Variants in PRKCG observed in about 807,000 individuals in gnomAD.
The protein encoded by PRKCG is protein kinase C gamma.
PRKCG carries 28 observed loss-of-function variants against 82.0 expected under a neutral mutation model. The ratio of observed to expected loss-of-function variants is 0.34; its 90% confidence interval spans 0.25 to 0.47. The LOEUF (loss-of-function observed/expected upper bound fraction) is 0.47, where lower values mean the gene tolerates loss of function less well. Among genes scored for constraint, PRKCG ranks in the 20% least tolerant of loss-of-function variants. The pLI, the probability that PRKCG is intolerant of heterozygous loss-of-function variation, is 1.00. For synonymous variants in PRKCG, 383 were observed against 376.6 expected, an observed-to-expected ratio of 1.02 and a Z score of -0.20; for missense variants, 640 against 952.7, an observed-to-expected ratio of 0.67 and a Z score of 4.32.
chr19:53,895,132 G>GAACA (rs200201073), intron 9 of PRKCG, among the ~76,000 whole-genome samples: 9 of 152,158 alleles, frequency 5.9e-5, no homozygotes, highest in African/African-American at 2.2e-4. Context: ...AGCAGGGAAA[G>GAACA]AACAAACAAA....
chr19:53,890,489 C>A (rs1645226950), intron 5 of PRKCG, among the ~76,000 whole-genome samples: 1 of 151,822 alleles, frequency 6.6e-6, no homozygotes, highest in African/African-American at 2.4e-5. Context: ...AACTCCTGAC[C>A]CCAGGTGATC....
chr19:53,898,827 G>T (rs1599950245), intron 11 of PRKCG, among the ~76,000 whole-genome samples, 199 bp downstream of exon 11: 7 of 113,054 alleles, frequency 6.2e-5, no homozygotes, highest in African/African-American at 2.0e-4. Flanking sequence ...GGGACTCATC[G>T]GGGGGCGTGG....
chr19:53,903,265 T>C, intron 15 of PRKCG, 112 bp downstream of exon 15: 1 of 843,382 alleles, frequency 1.2e-6, no homozygotes, highest in Non-Finnish European at 2.1e-6. Context: ...CGAATAGCGC[T>C]GTCCATGGTT....
intron 9 of PRKCG, among the ~76,000 whole-genome samples, chr19:53,897,216 C>T (rs1477804273): frequency 2.6e-5 from 4 of 152,178 alleles, no homozygotes; most frequent in Admixed American, 2.6e-4. Flanking sequence ...ATAGGGGAGA[C>T]ATGACCTGGT....
rs770378909 is a variant in PRKCG at position 53,892,524 on chromosome 19, G to T, written c.702G>T (p.Gly234=). The T allele has an allele frequency of 5.6e-6, 9 of 1,612,522 alleles. No homozygotes were observed. In the South Asian group the frequency reaches 9.9e-5, roughly 18 times the overall value. Residue 234 remains glycine (G), a synonymous_variant, in exon 7 of 18, where the codon GGG becomes GGT. Transcript: ENST00000263431. The surrounding 1 kb of genome is among the most constrained non-coding windows in gnomAD (Gnocchi z 5.9). ...NETFVFNLKP[G]DVERRLSVEV... Reference sequence around the variant, plus strand: ...CTTCCTGCAGCAACCTGAAGCCAGGGGATGTGGAGCGCCGGCTCAGCGTGG... The same window carrying T: ...CTTCCTGCAGCAACCTGAAGCCAGGTGATGTGGAGCGCCGGCTCAGCGTGG...
chr19:53,900,381 A>G lies in PRKCG; in HGVS notation c.1374-38A>G. ...TGGTGGAAGGGGGCAGGATCCAGCC[A>G]CTGACCTTCTGACGTCCCCACCCAC... On this transcript the variant is annotated intron_variant, in intron 12 of 17. Transcript: ENST00000263431. This position sits in a 1 kb window ranked among gnomAD's most constrained non-coding sequence, Gnocchi z 4.2. The G allele has an allele frequency of 1.2e-6, 2 of 1,614,072 alleles. No homozygotes were observed. Among genetic ancestry groups the G allele is most frequent in the Non-Finnish European group, 1.7e-6 (2 of 1,179,958 alleles).
chr19:53,893,291 C>A, intron 8 of PRKCG, 71 bp from the exon 9 acceptor site: 1 of 1,525,420 alleles, frequency 6.6e-7, no homozygotes, highest in Middle Eastern at 1.8e-4. Context: ...GTACTAGGGG[C>A]CACCAGCCCC....
rs1421758670 is a variant in PRKCG, at chr19:53,882,386, C to G, written c.-109C>G. ...TGCCTTGCCCCTCTCCTGCCCACCT[C>G]GGAATTTCCCTGTGGCTCCTTTGAT... On this transcript the variant is annotated 5_prime_UTR_variant, in exon 1 of 18. Transcript: ENST00000263431. This position sits in a 1 kb window ranked among gnomAD's most constrained non-coding sequence, Gnocchi z 6.1. The G allele has an allele frequency of 6.6e-7, 1 of 1,506,446 alleles. No homozygotes were observed. Among genetic ancestry groups the G allele is most frequent in the Non-Finnish European group, 9.0e-7 (1 of 1,110,992 alleles). The allele number at this position is 1,506,446 out of a possible 1,614,324, so 93.3% of individuals were successfully genotyped here.
rs755031143 is a variant in PRKCG, at chr19:53,900,221, A to G, written c.1282-12A>G. 2.5e-6 allele frequency: 4 copies of G among 1,611,932 alleles called. No individual in the cohort carries two copies. The highest frequency in any genetic ancestry group is 3.3e-5 in the Admixed American group (2 of 59,992). On this transcript the variant is annotated splice_polypyrimidine_tract_variant and intron_variant, in intron 11 of 17. Transcript: ENST00000263431. The surrounding 1 kb of genome is among the most constrained non-coding windows in gnomAD (Gnocchi z 4.2). ...ATGGATCCCGCCTCTAAGCCCATGCACTTCTCCGCAGGACCGCCTGTATTT... is the reference window on the plus strand; with the variant it reads ...ATGGATCCCGCCTCTAAGCCCATGCGCTTCTCCGCAGGACCGCCTGTATTT...
chr19:53,884,350 G>A lies in PRKCG; in HGVS notation c.285+107G>A. On this transcript the variant is annotated intron_variant, in intron 3 of 17. Coordinates refer to ENST00000263431, the MANE Select transcript of PRKCG (RefSeq NM_002739.5). The surrounding 1 kb of genome is among the most constrained non-coding windows in gnomAD (Gnocchi z 4.6). ...CTATTTTTATGGCTGGGAGGGGAGG[G>A]GGGCTGGAGAGATAGGGGGAGCTAT... 9.0e-7 allele frequency: 1 copy of A among 1,116,966 alleles called. No homozygotes were observed. The highest frequency in any genetic ancestry group is 1.3e-6 in the Non-Finnish European group (1 of 741,298). 69.2% of individuals were successfully genotyped at this position (1,116,966 alleles called of 1,614,324 possible).
At chr19:53,898,239 C>T (rs2068731967) in intron 10 of PRKCG, 128 bp downstream of exon 10, 2 of 1,441,368 alleles carry the variant, frequency 1.4e-6, no homozygotes, top group Non-Finnish European at 9.5e-7. Flanking sequence ...TTAGGTTGGG[C>T]CGTTCAGGTT....
chr19:53,884,279 C>G lies in PRKCG; in HGVS notation c.285+36C>G. The G allele has an allele frequency of 6.3e-7, 1 of 1,594,432 alleles. No homozygotes were observed. ...GGACACCTGGTTCTCCTCCTCGGGC[C>G]GTGCCCCCGCCCTCACCCCCTCGGC... On this transcript the variant is annotated intron_variant, in intron 3 of 17. Transcript: ENST00000263431. This position sits in a 1 kb window ranked among gnomAD's most constrained non-coding sequence, Gnocchi z 4.6.
At chr19:53,906,027 CTCCTCCTCCTCCT>C (rs2068801871) in intron 16 of PRKCG, among the ~76,000 whole-genome samples, 1 of 74,184 alleles carries the variant, frequency 1.3e-5, no homozygotes. Flanking sequence ...GTCTGTCTCC[CTCCTCCTCCTCCT>C]CCCTCCTCCT....
chr19:53,887,164 G>C (rs551769872), intron 3 of PRKCG, among the ~76,000 whole-genome samples: 167 of 151,822 alleles, frequency 1.1e-3, no homozygotes, highest in Non-Finnish European at 2.0e-3. Context: ...CTTGACCTCC[G>C]GGGCTCAAGT....
At chr19:53,891,278 CTTT>C (rs537462382) in intron 5 of PRKCG, among the ~76,000 whole-genome samples, 7 of 133,822 alleles carry the variant, frequency 5.2e-5, no homozygotes, top group African/African-American at 8.3e-5. Context: ...GCTTGGAATT[CTTT>C]TTTTTTTTTT....
At chr19:53,896,627 C>T (rs2123006028) in intron 9 of PRKCG, among the ~76,000 whole-genome samples, 1 of 152,190 alleles carries the variant, frequency 6.6e-6, no homozygotes, top group South Asian at 2.1e-4. Context: ...GCCATGTTGG[C>T]CAGGCTGGTC....
chr19:53,882,192 C>A (rs1246844796), upstream of PRKCG: 2 of 419,506 alleles, frequency 4.8e-6, no homozygotes, highest in Admixed American at 4.4e-5. The surrounding 1 kb of genome is among the most constrained non-coding windows in gnomAD (Gnocchi z 6.1). Context: ...CAACCCGGGG[C>A]TCCCACATTT....
chr19:53,894,912 C>T (rs2068707033), intron 9 of PRKCG, among the ~76,000 whole-genome samples: 1 of 152,166 alleles, frequency 6.6e-6, no homozygotes, highest in Non-Finnish European at 1.5e-5. Context: ...GAGACAGCCT[C>T]AGGCACTGGG....
Position 53,892,742 on chromosome 19 carries a change from C to T in PRKCG, c.821+99C>T. ...CAGGCCACTGTCCTTCCCTCTGCCT[C>T]CCAGCATGCGCACACACACACACAC... On this transcript the variant is annotated intron_variant, in intron 7 of 17. Transcript: ENST00000263431. This position sits in a 1 kb window ranked among gnomAD's most constrained non-coding sequence, Gnocchi z 5.9. 2.1e-6 allele frequency: 3 copies of T among 1,440,820 alleles called. No homozygotes were observed. The highest frequency in any genetic ancestry group is 2.8e-6 in the Non-Finnish European group (3 of 1,070,304). 89.3% of individuals were successfully genotyped at this position (1,440,820 alleles called of 1,614,324 possible).
Sources: gnomAD v4.1 joint callset for allele counts (sites outside exome capture counted in the v4.1 genomes callset) on GRCh38, gnomAD v4.1.1 for gene constraint, Gnocchi (gnomAD v3.1) non-coding constraint, MANE v1.5 for transcripts, NCBI Gene and HGNC (gene_info 2026-07-23, HGNC 2026-07-21) for gene names.